CCL14: variants seen among roughly 807,000 people sequenced by gnomAD.
CCL14 encodes C-C motif chemokine 14.
A neutral mutation model predicts 8.2 loss-of-function variants in CCL14; 8 were observed. The observed-to-expected ratio is 0.98, with a 90% CI of 0.57 to 1.76. CCL14 has a LOEUF of 1.76. CCL14 is among the 40% of genes most tolerant of loss of function. The pLI is 0.00. For missense variants in CCL14, 127 were observed against 118.3 expected, an observed-to-expected ratio of 1.07 and a Z score of -0.34; for synonymous variants, 50 against 43.2, an observed-to-expected ratio of 1.16 and a Z score of -0.62.
intron 1 of CCL14, chr17:35,985,368 C>G (rs1288508288): frequency 4.2e-6 from 1 of 236,418 alleles, no homozygotes; most frequent in Non-Finnish European, 8.1e-6. Context: ...ATAGGAGAAG[C>G]AAGGTGACAG....
chr17:35,984,199 G>C, intron 2 of CCL14, 139 bp downstream of exon 2: 1 of 672,214 alleles, frequency 1.5e-6, no homozygotes, highest in South Asian at 1.8e-5. Context: ...CGCTCAGATT[G>C]CCCCTCAGCT....
At chr17:35,984,229 C>T (rs2141993176) in intron 2 of CCL14, 109 bp downstream of exon 2, 4 of 818,576 alleles carry the variant, frequency 4.9e-6, no homozygotes, top group Non-Finnish European at 6.2e-6. Context: ...CATGTAGTCA[C>T]ACCTGGGAGG....
Position 35,984,430 on chromosome 17 carries a change from C to T in CCL14, c.102G>A (p.Glu34=). The T allele has an allele frequency of 6.2e-7, 1 of 1,613,112 alleles. No homozygotes were observed. Among genetic ancestry groups the T allele is most frequent in the Non-Finnish European group, 8.5e-7 (1 of 1,179,708 alleles). ...TGTAGGTAGTGTAGGTGAAGCAGCA[C>T]TCTGAGGGGTGGTAAGGTCCCCCTG... The part of the protein sequence containing the change: ...SSSRGPYHPS[E]CCFTYTTYKI... The change falls in exon 2 of 3, where the codon GAG becomes GAA. Residue 34 remains glutamate, a synonymous_variant. Coordinates refer to ENST00000618404, the MANE Select transcript of CCL14 (RefSeq NM_032963.4).
intron 1 of CCL14, chr17:35,985,476 A>T: frequency 1.2e-5 from 6 of 485,078 alleles, no homozygotes; most frequent in South Asian, 7.8e-5. Context: ...GGAGTGGAGA[A>T]ATCAGGTGTG....
chr17:35,984,448 T>TC lies in CCL14; in HGVS notation c.83dup (p.Pro29ThrfsTer26), dbSNP rs1172009909. On this transcript the variant is annotated frameshift_variant, in exon 2 of 3. Coordinates refer to ENST00000618404, the MANE Select transcript of CCL14 (RefSeq NM_032963.4). LOFTEE classifies it high-confidence loss of function. ...AGCAGCACTCTGAGGGGTGGTAAGGTCCCCCTGAGGAGAGAGCATCAGATG... is the reference window on the plus strand; with the variant it reads ...AGCAGCACTCTGAGGGGTGGTAAGGTCCCCCCTGAGGAGAGAGCATCAGATG... 6 of 1,609,416 alleles carry TC rather than the reference T, an allele frequency of 3.7e-6. No individual in the cohort carries two copies. The South Asian group carries it at 6.6e-5, about 18-fold the overall frequency.
At chr17:35,984,305 C>T (rs758615336) in intron 2 of CCL14, 33 bp downstream of exon 2, 54 of 1,502,858 alleles carry the variant, frequency 3.6e-5, no homozygotes, top group Non-Finnish European at 4.7e-5. Flanking sequence ...CTGGCTCCCT[C>T]TCCCCCCAGT....
rs745662062 is a variant in CCL14 at position 35,983,864 on chromosome 17, G to A, written c.219C>T (p.Ser73=). 1.4e-5 allele frequency: 22 copies of A among 1,613,858 alleles called. No individual in the cohort carries two copies. The highest frequency in any genetic ancestry group is 6.6e-5 in the South Asian group (6 of 91,086). ...GIVFITKRGH[S]VCTNPSDKWV... ...ACTTGTCACTGGGGTTGGTACAGAC[G>A]GAATGGCCCCTTTTGGTGATGAAGC... Residue 73 remains serine (S), a synonymous_variant, in exon 3 of 3, where the codon TCC becomes TCT. Transcript: ENST00000618404.
At chr17:35,985,344 G>C (rs2089747563) in intron 1 of CCL14, 1 of 203,680 alleles carries the variant, frequency 4.9e-6, no homozygotes, top group African/African-American at 2.3e-5. Context: ...TGATTGAGAA[G>C]TTTCATGGCT....
chr17:35,984,708 C>G, intron 1 of CCL14: 1 of 564,358 alleles, frequency 1.8e-6, no homozygotes, highest in East Asian at 2.8e-5. Flanking sequence ...TGGTGGATGA[C>G]TTTCAACTCC....
At chr17:35,984,880 G>A (rs1368541240) in intron 1 of CCL14, 1 of 316,338 alleles carries the variant, frequency 3.2e-6, no homozygotes, top group Non-Finnish European at 5.7e-6. Context: ...ATAGGGATTT[G>A]GAGACATGCC....
At chr17:35,984,651 ATCAT>A in intron 1 of CCL14, 199 bp from the exon 2 acceptor site, 1 of 595,896 alleles carries the variant, frequency 1.7e-6, no homozygotes, top group Non-Finnish European at 3.0e-6. Flanking sequence ...CTCCTCCCTC[ATCAT>A]CAATCACCCT....
At chr17:35,986,259 G>A (rs912957489) in intron 1 of CCL14, 1 of 411,374 alleles carries the variant, frequency 2.4e-6, no homozygotes, top group Non-Finnish European at 4.3e-6. Flanking sequence ...GGCATTTGGG[G>A]TAGTGGAATG....
At chr17:35,986,407 A>C (rs949353946) in intron 1 of CCL14, 164 bp downstream of exon 1, 12 of 627,316 alleles carry the variant, frequency 1.9e-5, no homozygotes, top group Non-Finnish European at 2.3e-5. Flanking sequence ...TGTGGTGCTC[A>C]GTAGATAATT....
chr17:35,985,829 T>C, intron 1 of CCL14: 1 of 1,524,618 alleles, frequency 6.6e-7, no homozygotes. Flanking sequence ...GGAAGAGTGA[T>C]AAATAGTTTT....
intron 1 of CCL14, chr17:35,986,236 T>C (rs116117954): frequency 0.027 from 10,284 of 376,748 alleles, 178 homozygotes; most frequent in Non-Finnish European, 0.03. Context: ...ATCTGTTTAT[T>C]TGGAGACTAG....
In CCL14 at chr17:35,983,892, T is replaced by C. The variant is rs773974201; in HGVS notation, c.195-4A>G. The C allele has an allele frequency of 6.2e-7, 1 of 1,611,630 alleles. No homozygotes were observed. Among genetic ancestry groups the C allele is most frequent in the Non-Finnish European group, 8.5e-7 (1 of 1,177,910 alleles). ...ATGGCCCCTTTTGGTGATGAAGCTG[T>C]GGAGCAAGAGGGAGAAGGATCACAA... On this transcript the variant is annotated splice_region_variant and splice_polypyrimidine_tract_variant and intron_variant, in intron 2 of 2. Transcript: ENST00000618404.
rs761476803 is a variant in CCL14, at chr17:35,983,809, C to G, written c.274G>C (p.Glu92Gln). The change falls in exon 3 of 3, where the codon GAG becomes CAG. Residue 92 changes from glutamate to glutamine, a missense_variant. Glu to Gln is a conservative substitution (Grantham distance 29, BLOSUM62 2). Coordinates refer to ENST00000618404, the MANE Select transcript of CCL14 (RefSeq NM_032963.4). ...WVQDYIKDMK[E>Q]N Reference sequence around the variant, plus strand: ...CACCCCTTCTGGGTCACTCAGTTCTCCTTCATGTCCTTGATATAGTCCTGG... The same window carrying G: ...CACCCCTTCTGGGTCACTCAGTTCTGCTTCATGTCCTTGATATAGTCCTGG... 1 of 1,612,862 alleles carries G rather than the reference C, an allele frequency of 6.2e-7. No individual in the cohort carries two copies. Among genetic ancestry groups the G allele is most frequent in the Non-Finnish European group, 8.5e-7 (1 of 1,178,874 alleles).
chr17:35,986,495 C>G (rs1015950690), intron 1 of CCL14, 76 bp downstream of exon 1: 17 of 1,181,416 alleles, frequency 1.4e-5, no homozygotes, highest in Non-Finnish European at 2.0e-5. Context: ...CCTGGTCTTC[C>G]CCTGAGCCCC....
chr17:35,983,518 A>G lies in CCL14; in HGVS notation c.*283T>C, dbSNP rs2089705948. On this transcript the variant is annotated 3_prime_UTR_variant, in exon 3 of 3. Transcript: ENST00000618404. The stretch of plus-strand genomic sequence containing the variant: ...TCACTTTCTGCTTCTCACTACCTGC[A>G]TTGCAGGCCTGACCTATTTTTTGTA... The G allele has an allele frequency of 7.2e-6, 3 of 414,870 alleles. No homozygotes were observed. In the East Asian group the frequency reaches 1.1e-4, roughly 16 times the overall value. The allele number at this position is 414,870 out of a possible 1,614,324, so 25.7% of individuals were successfully genotyped here.
Sources: gnomAD v4.1 joint callset for allele counts on GRCh38, gnomAD v4.1.1 for gene constraint, MANE v1.5 for transcripts, NCBI Gene and HGNC (gene_info 2026-07-23, HGNC 2026-07-21) for gene names.